CALN1: variants seen among roughly 807,000 people sequenced by gnomAD.
CALN1 encodes calcium-binding protein 8.
A neutral mutation model predicts 30.6 loss-of-function variants in CALN1; 17 were observed. That is an observed-to-expected ratio of 0.56 (90% CI 0.38 to 0.83). CALN1 has a LOEUF of 0.83. Among genes scored for constraint, CALN1 ranks in the 40% least tolerant of loss-of-function variants. The pLI, the probability that CALN1 is intolerant of heterozygous loss-of-function variation, is 0.00. For missense variants in CALN1, 291 were observed against 354.9 expected (o/e 0.82, Z 1.45); for synonymous variants, 156 against 131.4 (o/e 1.19, Z -1.28).
rs148143738 is a variant in CALN1, at chr7:72,431,724, C to G, written c.-226+15318G>C. On this transcript the variant is annotated intron_variant, in intron 1 of 6. Coordinates refer to the CALN1 transcript ENST00000395276. ...GAGTGTGGTCATGCGTGCCTGTAGT[C>G]CTGGCTACTTGGTAGGCTGAGGTCA... is the stretch of plus-strand genomic sequence containing the variant. Among the ~76,000 whole-genome samples, 343 of 152,112 alleles carry G rather than the reference C, an allele frequency of 2.3e-3. 1 individual carries two copies. Among genetic ancestry groups the G allele is most frequent in the African/African-American group, 8.1e-3 (336 of 41,490 alleles).
rs144877695 is a variant in CALN1 at position 72,019,065 on chromosome 7, G to A, written c.501+4592C>T. ...GAGGTTTCACCATGTTGGCCAGGCTGGTCTCAAACTCCCCGCCTCAACTGA... is the reference window on the plus strand; with the variant it reads ...GAGGTTTCACCATGTTGGCCAGGCTAGTCTCAAACTCCCCGCCTCAACTGA... On this transcript the variant is annotated intron_variant, in intron 5 of 6. Transcript: ENST00000395275. 7.3e-3 allele frequency among the ~76,000 whole-genome samples: 1,104 copies of A among 150,696 alleles called. 12 individuals carry two copies. Among genetic ancestry groups the A allele is most frequent in the African/African-American group, 0.025 (1,036 of 40,986 alleles).
chr7:72,488,846 G>A, the CALN1 span, among the ~76,000 whole-genome samples: 1 of 152,060 alleles, frequency 6.6e-6, no homozygotes, highest in African/African-American at 2.4e-5. Context: ...ACCATGCCCA[G>A]GTAATCTTTT....
At chr7:72,306,850 C>T (rs1055783908) in intron 2 of CALN1, among the ~76,000 whole-genome samples, 1 of 152,106 alleles carries the variant, frequency 6.6e-6, no homozygotes, top group Non-Finnish European at 1.5e-5. Context: ...AGGGCTTTGT[C>T]TCGGGCCATG....
intron 4 of CALN1, among the ~76,000 whole-genome samples, chr7:72,065,035 C>CATGTAAAATATATTTATATGTTAATAT (rs1212296761): frequency 2.7e-5 from 4 of 147,108 alleles, no homozygotes; most frequent in Non-Finnish European, 3.0e-5. Flanking sequence ...TAGTGATATA[C>CATGTAAAATATATTTATATGTTAATAT]ATGTAAAATA....
At chr7:71,951,203 A>T (rs959717145) in intron 5 of CALN1, among the ~76,000 whole-genome samples, 3 of 152,192 alleles carry the variant, frequency 2.0e-5, no homozygotes, top group African/African-American at 7.2e-5. Flanking sequence ...TTTTCTTTTT[A>T]TATGGCATAA....
At chr7:72,083,946 C>T (rs940515539) in intron 4 of CALN1, among the ~76,000 whole-genome samples, 6 of 152,026 alleles carry the variant, frequency 3.9e-5, no homozygotes, top group Admixed American at 6.6e-5. Flanking sequence ...TGGTGGCTCA[C>T]GCCTGTAATC....
At chr7:72,371,139 T>A (rs937078087) in intron 2 of CALN1, among the ~76,000 whole-genome samples, 2 of 152,192 alleles carry the variant, frequency 1.3e-5, no homozygotes, top group Non-Finnish European at 2.9e-5. Flanking sequence ...GGTGTCCTAT[T>A]TTTAAAAATT....
intron 4 of CALN1, among the ~76,000 whole-genome samples, chr7:72,101,523 C>A (rs1225501498): frequency 6.6e-6 from 1 of 152,106 alleles, no homozygotes; most frequent in Non-Finnish European, 1.5e-5. Context: ...ATTGGGAGAA[C>A]AAGCTGAGAA....
intron 1 of CALN1, among the ~76,000 whole-genome samples, chr7:72,440,464 T>A (rs1268323899): frequency 6.6e-6 from 1 of 152,174 alleles, no homozygotes; most frequent in Non-Finnish European, 1.5e-5. Flanking sequence ...AGTGGGAGGA[T>A]CACTCGAGGC....
At chr7:72,032,738 C>G (rs1801543004) in intron 4 of CALN1, among the ~76,000 whole-genome samples, 1 of 152,206 alleles carries the variant, frequency 6.6e-6, no homozygotes, top group South Asian at 2.1e-4. Flanking sequence ...TGTCTGCAGT[C>G]AGGATCTTAG....
At chr7:71,818,418 G>A (rs1788390980) in intron 5 of CALN1, among the ~76,000 whole-genome samples, 1 of 152,184 alleles carries the variant, frequency 6.6e-6, no homozygotes, top group South Asian at 2.1e-4. Flanking sequence ...GAGGCTTCGA[G>A]TAGCCAGGAG....
At chr7:72,415,461 C>T (rs997836595), upstream of CALN1, among the ~76,000 whole-genome samples, 7 of 152,202 alleles carry the variant, frequency 4.6e-5, no homozygotes, top group Admixed American at 1.3e-4. Context: ...GAGTATGGCC[C>T]GGCATTGCCA....
intron 5 of CALN1, among the ~76,000 whole-genome samples, chr7:71,949,611 C>CTTG (rs967787771): frequency 6.6e-5 from 10 of 151,832 alleles, no homozygotes; most frequent in African/African-American, 2.4e-4. Context: ...AACTCCTGAC[C>CTTG]TCAAGTGATT....
Position 71,974,716 on chromosome 7 carries a change from G to A in CALN1, c.501+48941C>T, listed in dbSNP as rs117952861. ...CATCCGCAGAGATGTCTGTGACTTG[G>A]AAAGTGCAGCCACAGACGTTCTTTT... On this transcript the variant is annotated intron_variant, in intron 5 of 6. Coordinates refer to ENST00000395275, the MANE Select transcript of CALN1 (RefSeq NM_031468.4). Among the ~76,000 whole-genome samples the A allele has an allele frequency of 5.9e-5, 9 of 152,280 alleles. No homozygotes were observed. In the East Asian group the frequency reaches 1.7e-3, roughly 30 times the overall value.
intron 1 of CALN1, among the ~76,000 whole-genome samples, chr7:72,436,777 T>C (rs1808173445): frequency 1.3e-5 from 2 of 152,276 alleles, no homozygotes; most frequent in Middle Eastern, 3.4e-3. Flanking sequence ...GGGAAAGCTG[T>C]TGATGCTGCA....
intron 3 of CALN1, among the ~76,000 whole-genome samples, chr7:72,188,703 T>C (rs1020089878): frequency 1.3e-5 from 2 of 152,060 alleles, no homozygotes; most frequent in African/African-American, 4.8e-5. Context: ...TGTATGGAAA[T>C]AGAAAATTTA....
intron 1 of CALN1, among the ~76,000 whole-genome samples, chr7:72,445,101 CACACAA>C (rs1296850762): frequency 5.2e-5 from 7 of 134,956 alleles, no homozygotes; most frequent in African/African-American, 1.4e-4. Context: ...CACACACACA[CACACAA>C]CATTAAGTTG....
At chr7:72,186,890 T>A (rs1428323282) in intron 3 of CALN1, among the ~76,000 whole-genome samples, 1 of 131,434 alleles carries the variant, frequency 7.6e-6, no homozygotes, top group African/African-American at 3.1e-5. Context: ...CAGAGCTTTT[T>A]TTTTTTTTTT....
At chr7:72,009,977 T>C (rs844731) in intron 5 of CALN1, among the ~76,000 whole-genome samples, 117,207 of 152,204 alleles carry the variant, frequency 0.77, 46,356 homozygotes, top group East Asian at 1. Context: ...TCACCCTTAC[T>C]GTTTATTAGT....
Sources: gnomAD v4.1 joint callset for allele counts (sites outside exome capture counted in the v4.1 genomes callset) on GRCh38, gnomAD v4.1.1 for gene constraint, MANE v1.5 for transcripts, NCBI Gene and HGNC (gene_info 2026-07-23, HGNC 2026-07-21) for gene names.